Variants in CEACAM6 observed in about 807,000 individuals in gnomAD.
The protein encoded by CEACAM6 is CEA cell adhesion molecule 6.
In CEACAM6, 21 loss-of-function variants were observed where a neutral mutation model predicts 32.4. That is an observed-to-expected ratio of 0.65 (90% confidence interval 0.46 to 0.93). The LOEUF (loss-of-function observed/expected upper bound fraction) is 0.93, where lower values mean the gene tolerates loss of function less well. Among genes scored for constraint, CEACAM6 ranks in the 40% least tolerant of loss-of-function variants. The pLI is 0.00. For missense variants in CEACAM6, 406 were observed against 432.2 expected, an observed-to-expected ratio of 0.94 and a Z score of 0.54; for synonymous variants, 184 against 174.4, an observed-to-expected ratio of 1.06 and a Z score of -0.43.
intron 4 of CEACAM6, among the ~76,000 whole-genome samples, chr19:41,762,935 C>G (rs1331865103): frequency 3.9e-5 from 6 of 152,188 alleles, no homozygotes; most frequent in African/African-American, 1.4e-4. Context: ...TCTGAAGTCA[C>G]TGGCTGTATA....
At position 41,766,541 on chromosome 19, in the gene CEACAM6, T is replaced by A. The variant is rs564638864; in HGVS notation, c.*40+242T>A. On this transcript the variant is annotated intron_variant, in intron 5 of 5. Coordinates refer to ENST00000199764, the MANE Select transcript of CEACAM6 (RefSeq NM_002483.7). ...TTTGTTTCCTAGAGTCAATACATTGTCAAAGCCTCTTCGTCCTTTTTCAAC... is the reference window on the plus strand; with the variant it reads ...TTTGTTTCCTAGAGTCAATACATTGACAAAGCCTCTTCGTCCTTTTTCAAC... Among the ~76,000 whole-genome samples the A allele has an allele frequency of 2.0e-5, 3 of 152,310 alleles. No homozygotes were observed. In the South Asian group the frequency reaches 6.2e-4, roughly 32 times the overall value.
At chr19:41,761,672 C>G in intron 3 of CEACAM6, 145 bp downstream of exon 3, 2 of 1,388,348 alleles carry the variant, frequency 1.4e-6, no homozygotes, top group Non-Finnish European at 2.0e-6. Flanking sequence ...CAAACCTGGG[C>G]AGACCAGGCC....
intron 4 of CEACAM6, among the ~76,000 whole-genome samples, chr19:41,763,363 G>T (rs899324701): frequency 1.3e-5 from 2 of 152,046 alleles, no homozygotes; most frequent in Non-Finnish European, 2.9e-5. Context: ...CCATCTCCAG[G>T]ATGTCCTTAA....
chr19:41,759,658 G>T lies in CEACAM6; in HGVS notation c.425-1591G>T, dbSNP rs574315127. The stretch of plus-strand genomic sequence containing the variant: ...GAATTCACAGCACACCTAAACCTTA[G>T]TATGTTATCAAGAAAAATACTACTT... On this transcript the variant is annotated intron_variant, in intron 2 of 5. Coordinates refer to ENST00000199764, the MANE Select transcript of CEACAM6 (RefSeq NM_002483.7). 7.9e-5 allele frequency among the ~76,000 whole-genome samples: 12 copies of T among 152,242 alleles called. No individual in the cohort carries two copies. The East Asian group carries it at 2.3e-3, about 29-fold the overall frequency.
intron 4 of CEACAM6, among the ~76,000 whole-genome samples, chr19:41,762,722 C>T (rs552394640): frequency 6.6e-6 from 1 of 152,310 alleles, no homozygotes; most frequent in South Asian, 2.1e-4. Context: ...CCCATCTCTG[C>T]TCCCAGCACC....
intron 5 of CEACAM6, among the ~76,000 whole-genome samples, chr19:41,769,048 C>T (rs1224121004): frequency 1.3e-5 from 2 of 152,054 alleles, no homozygotes; most frequent in African/African-American, 2.4e-5. Flanking sequence ...TGGGTTCAAG[C>T]GATTCTCCTG....
intron 5 of CEACAM6, among the ~76,000 whole-genome samples, chr19:41,767,676 C>T (rs782265473): frequency 7.2e-5 from 11 of 152,116 alleles, no homozygotes; most frequent in Non-Finnish European, 1.2e-4. Flanking sequence ...TGTGTAGCCA[C>T]GATGGAGGAT....
At chr19:41,757,812 G>A (rs3795018) in intron 2 of CEACAM6, 49,008 of 152,002 alleles carry the variant, frequency 0.32, 8,146 homozygotes, top group East Asian at 0.51. Context: ...ATATTTTGAG[G>A]TTAACTCACA....
intron 2 of CEACAM6, among the ~76,000 whole-genome samples, chr19:41,760,186 C>G (rs1461606589): frequency 6.6e-6 from 1 of 152,220 alleles, no homozygotes; most frequent in Non-Finnish European, 1.5e-5. Context: ...TCTCCCAATC[C>G]CTGGCAACCA....
intron 2 of CEACAM6, among the ~76,000 whole-genome samples, chr19:41,760,752 G>A (rs1392676902): frequency 2.0e-5 from 3 of 152,170 alleles, no homozygotes; most frequent in Non-Finnish European, 4.4e-5. Context: ...TCCAATCCCA[G>A]GCCAGGCTGC....
At chr19:41,770,401 C>T (rs927308526) in intron 5 of CEACAM6, among the ~76,000 whole-genome samples, 2 of 151,144 alleles carry the variant, frequency 1.3e-5, no homozygotes, top group African/African-American at 2.5e-5. Context: ...CATACATAGG[C>T]CTATACTATT....
chr19:41,766,298 A>T lies in CEACAM6; in HGVS notation c.*39A>T. 1 of 1,469,324 alleles carries T rather than the reference A, an allele frequency of 6.8e-7. No homozygotes were observed. The highest frequency in any genetic ancestry group is 9.3e-7 in the Non-Finnish European group (1 of 1,076,730). The allele number at this position is 1,469,324 out of a possible 1,614,324, so 91.0% of individuals were successfully genotyped here. Reference sequence around the variant, plus strand: ...TTTTCGATATTTCAGGAAGACTGGCAGGTATGATCGCCTTTCCTCTTGCCA... The same window carrying T: ...TTTTCGATATTTCAGGAAGACTGGCTGGTATGATCGCCTTTCCTCTTGCCA... On this transcript the variant is annotated splice_region_variant and 3_prime_UTR_variant, in exon 5 of 6. Transcript: ENST00000199764.
rs1555821134 is a variant in CEACAM6 at position 41,756,722 on chromosome 19, A to T, written c.187A>T (p.Ile63Phe). Residue 63 changes from isoleucine (I) to phenylalanine (F), a missense_variant, in exon 2 of 6, where the codon ATT becomes TTT. Ile to Phe is a conservative substitution (Grantham distance 21). Transcript: ENST00000199764. ...LLAHNLPQNRIGYSWYKGERV... is the reference protein window; with the variant it reads ...LLAHNLPQNRFGYSWYKGERV... Reference sequence around the variant, plus strand: ...CGCCCACAACCTGCCCCAGAATCGTATTGGTTACAGCTGGTACAAAGGCGA... The same window carrying T: ...CGCCCACAACCTGCCCCAGAATCGTTTTGGTTACAGCTGGTACAAAGGCGA... 1 of 1,614,110 alleles carries T rather than the reference A, an allele frequency of 6.2e-7. No individual in the cohort carries two copies. The highest frequency in any genetic ancestry group is 1.1e-5 in the South Asian group (1 of 91,080).
chr19:41,763,509 G>A (rs1348545122), intron 4 of CEACAM6, among the ~76,000 whole-genome samples: 1 of 152,240 alleles, frequency 6.6e-6, no homozygotes, highest in Admixed American at 6.5e-5. Context: ...AAACAGGAGA[G>A]GTGCCAGAGG....
chr19:41,768,252 C>T (rs367629073), intron 5 of CEACAM6, among the ~76,000 whole-genome samples: 2 of 152,138 alleles, frequency 1.3e-5, no homozygotes, highest in South Asian at 2.1e-4. Context: ...TGCGGCCTTC[C>T]GCAGTGTTTG....
At chr19:41,766,983 G>A (rs1474926964) in intron 5 of CEACAM6, among the ~76,000 whole-genome samples, 1 of 142,664 alleles carries the variant, frequency 7.0e-6, no homozygotes, top group Non-Finnish European at 1.5e-5. Flanking sequence ...TCCAGCCTGG[G>A]CGACAGTGCA....
intron 5 of CEACAM6, among the ~76,000 whole-genome samples, chr19:41,766,961 G>C (rs543170813): frequency 6.9e-6 from 1 of 144,810 alleles, no homozygotes; most frequent in Non-Finnish European, 1.5e-5. Flanking sequence ...AGCCGAGATC[G>C]TGCCACTGCA....
At chr19:41,760,433 A>C (rs547533290) in intron 2 of CEACAM6, among the ~76,000 whole-genome samples, 10 of 152,218 alleles carry the variant, frequency 6.6e-5, no homozygotes, top group Non-Finnish European at 1.2e-4. Context: ...GTGCATTTGC[A>C]AACATCCACA....
At chr19:41,761,558 G>T in intron 3 of CEACAM6, 31 bp downstream of exon 3, 1 of 1,609,356 alleles carries the variant, frequency 6.2e-7, no homozygotes, top group South Asian at 1.1e-5. Flanking sequence ...TGTGGCCCAG[G>T]CTGCCAGCCC....
Sources: allele counts gnomAD v4.1 joint callset (sites outside exome capture counted in the v4.1 genomes callset), GRCh38; gene constraint gnomAD v4.1.1; transcripts MANE v1.5; gene names NCBI Gene and HGNC (gene_info 2026-07-23, HGNC 2026-07-21).